The following TRPC5 variants were observed in gnomAD, a reference collection of about 807,000 sequenced individuals.
The protein encoded by TRPC5 is transient receptor potential cation channel subfamily C member 5.
A neutral mutation model predicts 56.5 loss-of-function variants in TRPC5; 9 were observed. That is an observed-to-expected ratio of 0.16 (90% CI 0.10 to 0.28). The LOEUF (loss-of-function observed/expected upper bound fraction) is 0.28. Ranked by LOEUF, TRPC5 falls within the 10% of genes least tolerant of loss-of-function variation. The pLI, the probability that TRPC5 is intolerant of heterozygous loss-of-function variation, is 1.00. For synonymous variants in TRPC5, 282 were observed against 278.5 expected (o/e 1.01, Z -0.13); for missense variants, 469 against 748.9 (o/e 0.63, Z 4.36).
intron 2 of TRPC5, among the ~76,000 whole-genome samples, chrX:111,924,653 T>C (rs1443988018): frequency 8.9e-6 from 1 of 112,510 alleles, no homozygotes; most frequent in Non-Finnish European, 1.9e-5. Context: ...GGTTACATGA[T>C]ACAATTGGAG....
At chrX:111,934,581 T>G (rs1359149649) in intron 2 of TRPC5, among the ~76,000 whole-genome samples, 1 of 111,500 alleles carries the variant, frequency 9.0e-6, no homozygotes, top group African/African-American at 3.3e-5. Flanking sequence ...TATCTATCTT[T>G]GCACCCATTA....
intron 7 of TRPC5, among the ~76,000 whole-genome samples, chrX:111,795,233 A>T (rs1456658567): frequency 2.7e-5 from 3 of 110,867 alleles, no homozygotes; most frequent in Non-Finnish European, 5.7e-5. Context: ...TAGACAAAAA[A>T]CCTTCAATCT....
chrX:111,883,999 A>G lies in TRPC5; in HGVS notation c.900+28292T>C, dbSNP rs965897838. Among the ~76,000 whole-genome samples, 3 of 112,685 alleles carry G rather than the reference A, an allele frequency of 2.7e-5. No individual in the cohort carries two copies. In the Admixed American group the frequency reaches 2.8e-4, roughly 11 times the overall value. ...TATGGCCTAGCCATTACCTAACACTAGATTAGACTTTGTTAGAGCCCAGTT... is the reference window on the plus strand; with the variant it reads ...TATGGCCTAGCCATTACCTAACACTGGATTAGACTTTGTTAGAGCCCAGTT... On this transcript the variant is annotated intron_variant, in intron 3 of 10. Coordinates refer to ENST00000262839, the MANE Select transcript of TRPC5 (RefSeq NM_012471.3).
In TRPC5 at chrX:111,912,376, C is replaced by T. The variant is rs773835603; in HGVS notation, c.815G>A (p.Arg272Gln). The T allele has an allele frequency of 5.8e-6, 7 of 1,209,317 alleles. No homozygotes were observed. The highest frequency in any genetic ancestry group is 1.8e-5 in the South Asian group (1 of 56,676). Reference protein sequence around the residue: ...SRELEIILNHRDDHSEELDPQ... With the variant: ...SRELEIILNHQDDHSEELDPQ... ...GTCAAGCTCTTCACTGTGGTCATCT[C>T]GATGGTTGAGGATGATCTCCAGTTC... The change falls in exon 3 of 11, where the codon CGA becomes CAA. Residue 272 changes from arginine (R) to glutamine (Q), a missense_variant. Arg to Gln is a conservative substitution (Grantham distance 43). This residue lies in a region of TRPC5 where 157 missense variants were observed against 360.0 expected (regional missense o/e 0.44). Transcript: ENST00000262839.
chrX:111,845,595 G>T (rs1321904114), intron 6 of TRPC5, among the ~76,000 whole-genome samples: 4 of 111,911 alleles, frequency 3.6e-5, no homozygotes, highest in Non-Finnish European at 7.5e-5. Flanking sequence ...CTCCTGAAAG[G>T]CACCTCTCAT....
chrX:112,047,928 A>G (rs910563118), intron 1 of TRPC5, among the ~76,000 whole-genome samples: 10 of 112,314 alleles, frequency 8.9e-5, no homozygotes, highest in African/African-American at 2.9e-4. Context: ...TCACTTGTTT[A>G]ATGCCCGCTG....
intron 1 of TRPC5, among the ~76,000 whole-genome samples, chrX:111,979,947 T>C (rs755860144): frequency 8.9e-6 from 1 of 111,770 alleles, no homozygotes; most frequent in Non-Finnish European, 1.9e-5. Flanking sequence ...ATGTACCGTA[T>C]GATCCAGTCT....
chrX:111,825,768 G>A (rs750566072), intron 7 of TRPC5, among the ~76,000 whole-genome samples: 1 of 111,846 alleles, frequency 8.9e-6, no homozygotes, highest in Non-Finnish European at 1.9e-5. Context: ...GAGCCAAGAC[G>A]GGGAGTCGCT....
chrX:111,952,457 G>C lies in TRPC5; in HGVS notation c.-21-16C>G. 2.6e-6 allele frequency: 3 copies of C among 1,171,017 alleles called. No individual in the cohort carries two copies. The highest frequency in any genetic ancestry group is 3.4e-6 in the Non-Finnish European group (3 of 874,615). On this transcript the variant is annotated splice_polypyrimidine_tract_variant and intron_variant, in intron 1 of 10. Coordinates refer to ENST00000262839, the MANE Select transcript of TRPC5 (RefSeq NM_012471.3). ...ATGCAGAAATCTGAGTGAGGAAACAGAGAAAGACCAAAATATCCTTAGATA... is the reference window on the plus strand; with the variant it reads ...ATGCAGAAATCTGAGTGAGGAAACACAGAAAGACCAAAATATCCTTAGATA...
At chrX:111,802,226 A>G (rs1921332605) in intron 7 of TRPC5, among the ~76,000 whole-genome samples, 1 of 111,374 alleles carries the variant, frequency 9.0e-6, no homozygotes, top group Admixed American at 9.6e-5. Flanking sequence ...GTTGGTCTTT[A>G]TGTCAATTCT....
At chrX:111,912,172 C>G in intron 3 of TRPC5, 119 bp downstream of exon 3, 1 of 849,853 alleles carries the variant, frequency 1.2e-6, no homozygotes, top group Non-Finnish European at 1.6e-6. Context: ...AGCTGTGAGG[C>G]CTGCCCAACC....
chrX:111,803,225 A>G (rs1921379203), intron 7 of TRPC5, among the ~76,000 whole-genome samples: 1 of 112,255 alleles, frequency 8.9e-6, no homozygotes, highest in African/African-American at 3.2e-5. Context: ...ATAGTATTCC[A>G]TGGTGTATAT....
chrX:112,079,066 A>T (rs959140586), intron 1 of TRPC5, among the ~76,000 whole-genome samples: 1 of 111,879 alleles, frequency 8.9e-6, no homozygotes, highest in African/African-American at 3.3e-5. Flanking sequence ...CTGGCAAATG[A>T]CTGGGCCAGA....
At chrX:111,820,425 C>T (rs142729561) in intron 7 of TRPC5, among the ~76,000 whole-genome samples, 96 of 111,948 alleles carry the variant, frequency 8.6e-4, no homozygotes, top group African/African-American at 3.0e-3. Context: ...GGACTGTCAC[C>T]TGGTTTTGTA....
intron 3 of TRPC5, among the ~76,000 whole-genome samples, chrX:111,871,243 A>C (rs987947108): frequency 3.6e-5 from 4 of 112,031 alleles, no homozygotes; most frequent in African/African-American, 1.3e-4. Flanking sequence ...ACTGTTGTGA[A>C]GATCAAATGC....
Position 111,768,804 on chromosome X carries a change from C to T in TRPC5, c.*7509G>A, listed in dbSNP as rs765071164. 9.0e-6 allele frequency among the ~76,000 whole-genome samples: 1 copy of T among 111,569 alleles called. No individual in the cohort carries two copies. ...TAATATTCATTTTGGTGTCATTGGT[C>T]CCACTTATCCTGTTAAGACACTTGA... On this transcript the variant is annotated 3_prime_UTR_variant, in exon 11 of 11. Transcript: ENST00000262839.
intron 1 of TRPC5, among the ~76,000 whole-genome samples, chrX:111,966,920 A>G (rs1417402748): frequency 1.0e-5 from 1 of 98,689 alleles, no homozygotes; most frequent in Non-Finnish European, 2.0e-5. Context: ...AAACTGGCAC[A>G]AGACAGGGAT....
At chrX:111,814,865 C>T (rs752599236) in intron 7 of TRPC5, among the ~76,000 whole-genome samples, 2 of 110,860 alleles carry the variant, frequency 1.8e-5, no homozygotes, top group African/African-American at 6.6e-5. Context: ...AGTGTGCAAA[C>T]TCAGGTGCTA....
intron 7 of TRPC5, among the ~76,000 whole-genome samples, chrX:111,829,162 T>C (rs2207038): frequency 0.25 from 27,185 of 107,460 alleles, 8,073 homozygotes; most frequent in African/African-American, 0.85. Context: ...ATTAGCCAGG[T>C]GTGGTGGCAG....
Sources: allele counts gnomAD v4.1 joint callset (sites outside exome capture counted in the v4.1 genomes callset), GRCh38; gene constraint gnomAD v4.1.1; regional missense constraint gnomAD v4.1.1; transcripts MANE v1.5; gene names NCBI Gene and HGNC (gene_info 2026-07-23, HGNC 2026-07-21).